MRPL9: variants seen among roughly 807,000 people sequenced by gnomAD.
MRPL9 encodes the protein mitochondrial ribosomal protein L9.
MRPL9 carries 25 observed loss-of-function variants against 27.6 expected under a neutral mutation model. The observed-to-expected ratio is 0.91, with a 90% CI of 0.66 to 1.27. The LOEUF is 1.27. MRPL9 is among the 50% of genes most tolerant of loss of function. The pLI, the probability that MRPL9 is intolerant of heterozygous loss-of-function variation, is 0.00. For synonymous variants in MRPL9, 154 were observed against 139.0 expected (o/e 1.11, Z -0.76); for missense variants, 362 against 338.0 (o/e 1.07, Z -0.56).
chr1:151,761,297 C>T (rs1648064335), intron 5 of MRPL9, among the ~76,000 whole-genome samples, 154 bp downstream of exon 5: 1 of 152,226 alleles, frequency 6.6e-6, no homozygotes, highest in Non-Finnish European at 1.5e-5. Flanking sequence ...TTAGCCATTT[C>T]CTTCCCATAT....
chr1:151,760,685 C>A (rs568588737), intron 6 of MRPL9, 131 bp downstream of exon 6: 4 of 751,990 alleles, frequency 5.3e-6, no homozygotes, highest in Non-Finnish European at 8.1e-6. Flanking sequence ...GTGGGAGGAT[C>A]GCTTGAACCC....
intron 4 of MRPL9, 101 bp from the exon 5 acceptor site, chr1:151,761,653 T>A: frequency 1.1e-6 from 1 of 870,450 alleles, no homozygotes; most frequent in Non-Finnish European, 1.8e-6. Context: ...TCCCAGCACT[T>A]TGGGAGGCCA....
intron 4 of MRPL9, among the ~76,000 whole-genome samples, chr1:151,761,768 A>G (rs1571961973): frequency 6.6e-6 from 1 of 152,184 alleles, no homozygotes; most frequent in African/African-American, 2.4e-5. Context: ...TTAGCCGGGC[A>G]TGGTGGCGGG....
At chr1:151,762,830 G>T in intron 2 of MRPL9, 160 bp downstream of exon 2, 2 of 906,460 alleles carry the variant, frequency 2.2e-6, no homozygotes, top group Non-Finnish European at 1.7e-6. Flanking sequence ...GGAGGCCAGT[G>T]TCACAATCAC....
At chr1:151,761,333 T>A in intron 5 of MRPL9, 118 bp downstream of exon 5, 1 of 748,454 alleles carries the variant, frequency 1.3e-6, no homozygotes, top group Non-Finnish European at 2.4e-6. Context: ...AAGAATACTT[T>A]CCTTAACTAC....
chr1:151,763,134 C>G lies in MRPL9; in HGVS notation c.166G>C (p.Val56Leu), dbSNP rs199843916. 1.9e-6 allele frequency: 3 copies of G among 1,613,426 alleles called. No homozygotes were observed. The highest frequency in any genetic ancestry group is 2.5e-6 in the Non-Finnish European group (3 of 1,179,664). Residue 56 changes from valine to leucine, a missense_variant, in exon 2 of 7, where the codon GTG becomes CTG. Physicochemically the swap from Val to Leu is conservative, Grantham distance 32. Transcript: ENST00000368830. ...SLSQNRGTVIVERWWKVPLAG... is the reference protein window; with the variant it reads ...SLSQNRGTVILERWWKVPLAG... ...AGCGGTACCTTCCACCAGCGCTCCA[C>G]GATGACCGTGCCCTGGCGGCCAGGA... is the stretch of plus-strand genomic sequence containing the variant.
At position 151,761,550 on chromosome 1, in the gene MRPL9, T is replaced by C. The variant is rs1272770758; in HGVS notation, c.489A>G (p.Thr163=). 4 of 1,602,006 alleles carry C rather than the reference T, an allele frequency of 2.5e-6. No individual in the cohort carries two copies. In the African/African-American group the frequency reaches 4.0e-5, roughly 16 times the overall value. The change falls in exon 5 of 7, where the codon ACA becomes ACG. Residue 163 remains threonine (T), a splice_region_variant and synonymous_variant. Coordinates refer to ENST00000368830, the MANE Select transcript of MRPL9 (RefSeq NM_031420.4). ...EKIQTKAGEA[T]VKFLKSCRLE... ...GGCGACAGCTTTTTAGAAATTTCAC[T>C]GTCTGAAAGGAATTATGAGTTTGAG...
In MRPL9 at chr1:151,763,243, C is replaced by T; in HGVS notation, c.153+84G>A. ...CCCCTCAAGGAAAGCCCGCCACCCCCACATCGGCCCCCTCCAGGTCCCAGT... is the reference window on the plus strand; with the variant it reads ...CCCCTCAAGGAAAGCCCGCCACCCCTACATCGGCCCCCTCCAGGTCCCAGT... On this transcript the variant is annotated intron_variant, in intron 1 of 6. Transcript: ENST00000368830. The T allele has an allele frequency of 5.2e-6, 8 of 1,534,086 alleles. No individual in the cohort carries two copies. The South Asian group carries it at 6.2e-5, about 12-fold the overall frequency.
At chr1:151,761,603 A>G (rs1475874083) in intron 4 of MRPL9, 51 bp from the exon 5 acceptor site, 1 of 1,401,188 alleles carries the variant, frequency 7.1e-7, no homozygotes, top group African/African-American at 1.4e-5. Context: ...TGTCAGGGTC[A>G]CAGGGTATGC....
chr1:151,762,396 G>A lies in MRPL9; in HGVS notation c.415C>T (p.Leu139=). The A allele has an allele frequency of 6.2e-7, 1 of 1,614,152 alleles. No individual in the cohort carries two copies. The highest frequency in any genetic ancestry group is 8.5e-7 in the Non-Finnish European group (1 of 1,180,016). Residue 139 remains leucine (L), a synonymous_variant, in exon 3 of 7, where the codon CTG becomes TTG. Transcript: ENST00000368830. ...AVYASPENKK[L]FEEEKLLRQE... is the part of the protein sequence containing the mutation. ...CTCACCAATTTCTCCTCTTCAAACA[G>A]CTTCTTGTTTTCAGGGGATGCATAT...
rs760650929 is a variant in MRPL9 at position 151,762,417 on chromosome 1, C to A, written c.394G>T (p.Ala132Ser). 5 of 1,614,192 alleles carry A rather than the reference C, an allele frequency of 3.1e-6. No homozygotes were observed. The Admixed American group carries it at 8.3e-5, about 27-fold the overall frequency. ...AACAGCTTCTTGTTTTCAGGGGATG[C>A]ATATACAGCCAGTCCCTGAGGAAGG... ...RLLPQGLAVY[A>S]SPENKKLFEE... The change falls in exon 3 of 7, where the codon GCA (alanine) becomes TCA (serine). Residue 132 changes from alanine to serine, a missense_variant. Coordinates refer to ENST00000368830, the MANE Select transcript of MRPL9 (RefSeq NM_031420.4).
chr1:151,761,473 AC>A lies in MRPL9; in HGVS notation c.565del (p.Val189LeufsTer18). The A allele has an allele frequency of 6.2e-7, 1 of 1,613,872 alleles. No homozygotes were observed. Among genetic ancestry groups the A allele is most frequent in the South Asian group, 1.1e-5 (1 of 91,082 alleles). ...NVKWELNPEI[V>X]ARHFFKNLGV... ...CACATTCTTAAAGAAGTGGCGGGCA[AC>A]TATTTCAGGGTTCAGCTCCCATTTG... On this transcript the variant is annotated frameshift_variant, in exon 5 of 7. Transcript: ENST00000368830. LOFTEE classifies it high-confidence loss of function.
In MRPL9 at chr1:151,760,032, C is replaced by T. The variant is rs1181289668; in HGVS notation, c.*18G>A. The T allele has an allele frequency of 6.2e-7, 1 of 1,612,080 alleles. No individual in the cohort carries two copies. Among genetic ancestry groups the T allele is most frequent in the Non-Finnish European group, 8.5e-7 (1 of 1,178,864 alleles). On this transcript the variant is annotated 3_prime_UTR_variant, in exon 7 of 7. Coordinates refer to ENST00000368830, the MANE Select transcript of MRPL9 (RefSeq NM_031420.4). ...ACTGCTCCCGATTCTGCTTTGCTGC[C>T]TTGGAGGGAGAGTAGATTTAGATCT... is the stretch of plus-strand genomic sequence containing the variant.
rs1413515191 is a variant in MRPL9, at chr1:151,762,011, C to G, written c.486+94G>C. 16 of 1,256,812 alleles carry G rather than the reference C, an allele frequency of 1.3e-5. No homozygotes were observed. The African/African-American group carries it at 1.8e-4, about 14-fold the overall frequency. The allele number at this position is 1,256,812 out of a possible 1,614,324, so 77.9% of individuals were successfully genotyped here. A position where few individuals can be genotyped will look rare whatever the true frequency, so the allele number is the denominator to read the frequency against. On this transcript the variant is annotated intron_variant, in intron 4 of 6. Coordinates refer to ENST00000368830, the MANE Select transcript of MRPL9 (RefSeq NM_031420.4). Reference sequence around the variant, plus strand: ...CTTCCCCTTTCTCCCACTCTTGGGTCTGCAATCAGGAGACCTCAAGGGAAT... The same window carrying G: ...CTTCCCCTTTCTCCCACTCTTGGGTGTGCAATCAGGAGACCTCAAGGGAAT...
chr1:151,760,167 A>AT lies in MRPL9; in HGVS notation c.686dup (p.Asp229GlufsTer13), dbSNP rs760256052. ...CGACAGACATAGGCACTCTCACAGT[A>AT]TCAAGCCCATTTACCTGCACACAAA... On this transcript the variant is annotated frameshift_variant, in exon 7 of 7. Coordinates refer to ENST00000368830, the MANE Select transcript of MRPL9 (RefSeq NM_031420.4). LOFTEE classifies it low-confidence loss of function (END_TRUNC). 6.2e-7 allele frequency: 1 copy of AT among 1,614,146 alleles called. No individual in the cohort carries two copies. The highest frequency in any genetic ancestry group is 1.1e-5 in the South Asian group (1 of 91,084).
intron 2 of MRPL9, 81 bp from the exon 3 acceptor site, chr1:151,762,581 T>C: frequency 6.9e-7 from 1 of 1,440,358 alleles, no homozygotes. Context: ...GAAGCACCTC[T>C]TAGTTTCTCA....
rs1648035464 is a variant in MRPL9, at chr1:151,760,903, C to CAAAAAAAAAAAAAAAAAAAAATAA, written c.589-5_589-4insTTATTTTTTTTTTTTTTTTTTTTT. ...GTGGGGCAACCACAACACCAAGCTG[C>CAAAAAAAAAAAAAAAAAAAAATAA]AAAAAAAAAAAAAAAAAAAAAAATC... is the stretch of plus-strand genomic sequence containing the variant. On this transcript the variant is annotated splice_polypyrimidine_tract_variant and splice_region_variant and intron_variant, in intron 5 of 6. Transcript: ENST00000368830. 1.4e-6 allele frequency: 1 copy of CAAAAAAAAAAAAAAAAAAAAATAA among 734,296 alleles called. No individual in the cohort carries two copies. 45.5% of individuals were successfully genotyped at this position (734,296 alleles called of 1,614,324 possible).
chr1:151,761,519 C>A lies in MRPL9; in HGVS notation c.520G>T (p.Val174Leu). The change falls in exon 5 of 7, where the codon GTA (valine) becomes TTA (leucine). Residue 174 changes from valine (V) to leucine (L), a missense_variant. Coordinates refer to ENST00000368830, the MANE Select transcript of MRPL9 (RefSeq NM_031420.4). ...VKFLKSCRLE[V>L]GMKNNVKWEL... ...CATTTGACATTGTTCTTCATCCCTA[C>A]CTCCAGGCGACAGCTTTTTAGAAAT... The A allele has an allele frequency of 6.2e-7, 1 of 1,613,820 alleles. No individual in the cohort carries two copies. Among genetic ancestry groups the A allele is most frequent in the Non-Finnish European group, 8.5e-7 (1 of 1,179,770 alleles).
chr1:151,762,107 C>A lies in MRPL9; in HGVS notation c.484G>T (p.Ala162Ser), dbSNP rs1648111842. The A allele has an allele frequency of 1.2e-6, 2 of 1,614,036 alleles. No individual in the cohort carries two copies. The highest frequency in any genetic ancestry group is 2.7e-5 in the African/African-American group (2 of 74,926). ...LEKIQTKAGE[A>S]TVKFLKSCRL... ...ACACTTTTTATGTTTCTACTCACCG[C>A]CTCACCTGCCTTGGTCTGGATCTTC... The change falls in exon 4 of 7, where the codon GCG becomes TCG. Residue 162 changes from alanine to serine, a missense_variant and splice_region_variant. Coordinates refer to ENST00000368830, the MANE Select transcript of MRPL9 (RefSeq NM_031420.4).
Sources: allele counts gnomAD v4.1 joint callset (sites outside exome capture counted in the v4.1 genomes callset), GRCh38; gene constraint gnomAD v4.1.1; transcripts MANE v1.5; gene names NCBI Gene and HGNC (gene_info 2026-07-23, HGNC 2026-07-21).